Variants in LMLN observed in about 807,000 individuals in gnomAD.
The protein encoded by LMLN is leishmanolysin-like peptidase.
Under a neutral mutation model 92.3 loss-of-function variants are expected in LMLN, and 70 were observed. The observed-to-expected ratio is 0.76, with a 90% CI of 0.63 to 0.92. LMLN has a LOEUF of 0.92. Ranked by LOEUF, LMLN falls within the 40% of genes least tolerant of loss-of-function variation. The pLI is 0.00. For missense variants in LMLN, 691 were observed against 814.6 expected (o/e 0.85, Z 1.85); for synonymous variants, 308 against 296.2 (o/e 1.04, Z -0.41).
At chr3:197,985,683 C>A in intron 7 of LMLN, 113 bp from the exon 8 acceptor site, 1 of 584,620 alleles carries the variant, frequency 1.7e-6, no homozygotes, top group Non-Finnish European at 3.1e-6. Context: ...CCTACAGAAG[C>A]ACTGGCGTGG....
At chr3:197,991,375 G>A (rs1264518575) in intron 9 of LMLN, among the ~76,000 whole-genome samples, 1 of 151,894 alleles carries the variant, frequency 6.6e-6, no homozygotes, top group Admixed American at 6.6e-5. Context: ...CAAAGTGCTG[G>A]GATTACAGAC....
chr3:198,024,405 CG>C (rs1560154326), intron 13 of LMLN, among the ~76,000 whole-genome samples: 1 of 152,000 alleles, frequency 6.6e-6, no homozygotes, highest in East Asian at 1.9e-4. Flanking sequence ...TTAATAGAGA[CG>C]GGGTTTCACC....
intron 1 of LMLN, among the ~76,000 whole-genome samples, chr3:197,970,007 C>G (rs1317377612): frequency 6.6e-6 from 1 of 151,814 alleles, no homozygotes; most frequent in East Asian, 1.9e-4. Context: ...CAAAAATTAG[C>G]TGGGCATGGT....
intron 8 of LMLN, among the ~76,000 whole-genome samples, chr3:197,986,862 G>GTC (rs531660267): frequency 0.016 from 1,718 of 105,634 alleles, 18 homozygotes; most frequent in Non-Finnish European, 0.019. Context: ...TTTTTTTTGA[G>GTC]ACAGTCTCGC....
chr3:198,007,965 C>T (rs1342766025), intron 11 of LMLN, among the ~76,000 whole-genome samples: 1 of 152,166 alleles, frequency 6.6e-6, no homozygotes, highest in Non-Finnish European at 1.5e-5. Flanking sequence ...CTGTCAAATG[C>T]TCTTTCTACT....
chr3:197,993,400 TA>T, intron 9 of LMLN, among the ~76,000 whole-genome samples: 1 of 151,906 alleles, frequency 6.6e-6, no homozygotes, highest in Non-Finnish European at 1.5e-5. Flanking sequence ...ATAAATACAG[TA>T]AAAGTTGCAG....
intron 1 of LMLN, among the ~76,000 whole-genome samples, chr3:197,961,478 A>G (rs1044273934): frequency 6.6e-6 from 1 of 152,236 alleles, no homozygotes; most frequent in African/African-American, 2.4e-5. Context: ...CGGAGTTTAT[A>G]GCTTTTTTGC....
intron 3 of LMLN, 29 bp from the exon 4 acceptor site, chr3:197,976,000 G>A (rs762126221): frequency 1.2e-5 from 15 of 1,291,294 alleles, no homozygotes; most frequent in Non-Finnish European, 1.6e-5. Context: ...TTATAATTCT[G>A]TTTCTTTTTT....
intron 3 of LMLN, among the ~76,000 whole-genome samples, chr3:197,975,448 C>T (rs1721342779): frequency 6.6e-6 from 1 of 152,192 alleles, no homozygotes; most frequent in Admixed American, 6.5e-5. Flanking sequence ...ATAACCACAT[C>T]AGATTTTTAA....
intron 7 of LMLN, 137 bp from the exon 8 acceptor site, chr3:197,985,659 G>T: frequency 2.0e-6 from 1 of 504,804 alleles, no homozygotes. Context: ...TTCAATTCCA[G>T]CGTAGGAGAA....
At chr3:197,965,840 A>G (rs1196276254) in intron 1 of LMLN, among the ~76,000 whole-genome samples, 1 of 152,160 alleles carries the variant, frequency 6.6e-6, no homozygotes, top group Non-Finnish European at 1.5e-5. Context: ...ACTTGAGCCC[A>G]GGAGGTGAAG....
intron 6 of LMLN, among the ~76,000 whole-genome samples, chr3:197,981,680 A>G (rs1721561143): frequency 6.6e-6 from 1 of 152,230 alleles, no homozygotes; most frequent in South Asian, 2.1e-4. Flanking sequence ...CACACACTAG[A>G]CAAATCAAGT....
At chr3:197,961,993 C>G (rs1024543353) in intron 1 of LMLN, among the ~76,000 whole-genome samples, 10 of 152,122 alleles carry the variant, frequency 6.6e-5, no homozygotes, top group African/African-American at 2.4e-4. Context: ...ACTTGAGTTA[C>G]TGTTCTTTTG....
intron 14 of LMLN, among the ~76,000 whole-genome samples, chr3:198,028,603 G>A (rs1722997919): frequency 6.6e-6 from 1 of 152,122 alleles, no homozygotes; most frequent in East Asian, 1.9e-4. Context: ...CTGAGATCAT[G>A]GACCTTATCA....
At chr3:198,011,344 A>G (rs940819829) in intron 11 of LMLN, among the ~76,000 whole-genome samples, 47 of 151,930 alleles carry the variant, frequency 3.1e-4, no homozygotes, top group Non-Finnish European at 6.0e-4. Context: ...TCATTGTTCA[A>G]TTCCCACCTA....
At position 198,019,310 on chromosome 3, in the gene LMLN, T is replaced by C; in HGVS notation, c.1290T>C (p.Thr430=). The C allele has an allele frequency of 6.2e-7, 1 of 1,614,150 alleles. No individual in the cohort carries two copies. The highest frequency in any genetic ancestry group is 8.5e-7 in the Non-Finnish European group (1 of 1,180,004). Residue 430 remains threonine (T), a synonymous_variant, in exon 12 of 16, where the codon ACT becomes ACC. Transcript: ENST00000330198. This position sits in a 1 kb window ranked among gnomAD's most constrained non-coding sequence, Gnocchi z 5.5. The stretch of plus-strand genomic sequence containing the variant: ...TCAGAAGTAACCCACTGCAGCTAAC[T>C]TGCAGACAGGACCAGAGAGCAGTTG...
intron 11 of LMLN, among the ~76,000 whole-genome samples, chr3:198,002,692 C>T (rs931519807): frequency 1.3e-5 from 2 of 152,148 alleles, no homozygotes; most frequent in African/African-American, 2.4e-5. Flanking sequence ...GAGCTGGGAT[C>T]GTGCCACTGC....
intron 11 of LMLN, among the ~76,000 whole-genome samples, chr3:198,017,077 G>A (rs1038991426): frequency 2.6e-5 from 4 of 151,930 alleles, no homozygotes; most frequent in Admixed American, 6.6e-5. Flanking sequence ...AGCAATGGTT[G>A]TGCCACTGCA....
At chr3:198,040,378 C>T (rs1723367061) in exon 16 of LMLN, 1 of 152,200 alleles carries the variant, frequency 6.6e-6, no homozygotes, top group South Asian at 2.1e-4. Context: ...TTACCAGCCC[C>T]ATTTAGTAAT....
Sources: gnomAD v4.1 joint callset for allele counts (sites outside exome capture counted in the v4.1 genomes callset) on GRCh38, gnomAD v4.1.1 for gene constraint, Gnocchi (gnomAD v3.1) non-coding constraint, MANE v1.5 for transcripts, NCBI Gene and HGNC (gene_info 2026-07-23, HGNC 2026-07-21) for gene names.